The following MRC1 variants were observed in gnomAD, a reference collection of about 807,000 sequenced individuals.
MRC1 encodes the protein mannose receptor C-type 1.
Under a neutral mutation model 102.9 loss-of-function variants are expected in MRC1, and 62 were observed. The observed-to-expected ratio is 0.60, with a 90% CI of 0.49 to 0.74. MRC1 has a LOEUF of 0.74. Among genes scored for constraint, MRC1 ranks in the 30% least tolerant of loss-of-function variants. The pLI is 0.00. For missense variants in MRC1, 1,237 were observed against 862.8 expected, an observed-to-expected ratio of 1.43 and a Z score of -5.43; for synonymous variants, 457 against 298.4, an observed-to-expected ratio of 1.53 and a Z score of -5.48.
intron 10 of MRC1, among the ~76,000 whole-genome samples, chr10:17,861,757 T>C (rs1833187437): frequency 1.3e-5 from 2 of 152,222 alleles, no homozygotes; most frequent in Admixed American, 6.5e-5. Context: ...ATGTAGTTTA[T>C]GGAGCTAACT....
rs1838495358 is a variant in MRC1 at position 17,827,390 on chromosome 10, AAAAAAAAAAAAAAAAAAAAAG to A, written c.464-148_464-128del. ...AAATACCCAAAAAAAAAAAAAAAAA[AAAAAAAAAAAAAAAAAAAAAG>A]AAATCCCTCTGTGGGTGCATCAAGT... On this transcript the variant is annotated intron_variant, in intron 2 of 29. Transcript: ENST00000569591. 5.2e-4 allele frequency: 92 copies of A among 178,424 alleles called. 15 individuals carry two copies. The highest frequency in any genetic ancestry group is 3.0e-3 in the South Asian group (31 of 10,280). 11.1% of individuals were successfully genotyped at this position (178,424 alleles called of 1,614,324 possible).
In MRC1 at chr10:17,833,858, T is replaced by A. The variant is rs56278466; in HGVS notation, c.802+19T>A. The A allele has an allele frequency of 1.4e-5, 11 of 779,736 alleles. No individual in the cohort carries two copies. Among genetic ancestry groups the A allele is most frequent in the East Asian group, 9.7e-5 (4 of 41,230 alleles). The allele number at this position is 779,736 out of a possible 1,614,324, so 48.3% of individuals were successfully genotyped here. A position where few individuals can be genotyped will look rare whatever the true frequency, so the allele number is the denominator to read the frequency against. ...CTGACAGGTAAGGACATGAAAAGTCTCAAGTAAAATCATGACTGCTTTATT... is the reference window on the plus strand; with the variant it reads ...CTGACAGGTAAGGACATGAAAAGTCACAAGTAAAATCATGACTGCTTTATT... On this transcript the variant is annotated intron_variant, in intron 4 of 29. Coordinates refer to ENST00000569591, the MANE Select transcript of MRC1 (RefSeq NM_002438.4).
intron 8 of MRC1, among the ~76,000 whole-genome samples, chr10:17,853,693 G>A (rs1465525904): frequency 1.3e-5 from 2 of 151,686 alleles, no homozygotes; most frequent in Non-Finnish European, 2.9e-5. Context: ...TTACAGCTAC[G>A]GTGGATTAGG....
chr10:17,813,380 G>A (rs1459203327), intron 1 of MRC1, among the ~76,000 whole-genome samples: 2 of 152,104 alleles, frequency 1.3e-5, no homozygotes, highest in Non-Finnish European at 2.9e-5. Context: ...GAAATGCTAA[G>A]AAAGATAATT....
chr10:17,815,431 T>C (rs995819052), intron 1 of MRC1, among the ~76,000 whole-genome samples: 1 of 152,136 alleles, frequency 6.6e-6, no homozygotes, highest in East Asian at 1.9e-4. Flanking sequence ...TTAAGGGGGA[T>C]CTGGGGAGGC....
chr10:17,908,153 G>A (rs1288411871), intron 28 of MRC1, among the ~76,000 whole-genome samples: 6 of 152,192 alleles, frequency 3.9e-5, no homozygotes, highest in Non-Finnish European at 8.8e-5. Flanking sequence ...GAACAGGATT[G>A]GGGAATTGAT....
At chr10:17,885,555 G>A (rs1242315753) in intron 22 of MRC1, 120 bp downstream of exon 22, 14 of 690,954 alleles carry the variant, frequency 2.0e-5, no homozygotes, top group Non-Finnish European at 3.2e-5. Context: ...TTCTATGCTT[G>A]CAGATTTTAC....
rs1168114504 is a variant in MRC1 at position 17,853,561 on chromosome 10, GATAT to G, written c.1407+442_1407+445del. 1.3e-3 allele frequency among the ~76,000 whole-genome samples: 194 copies of G among 144,858 alleles called. 1 individual carries two copies. The highest frequency in any genetic ancestry group is 4.4e-3 in the African/African-American group (166 of 37,960). ...TATGATTACAAGAGATGTAAAAAGAGATATATATGTATGTGTGTGTGTGTGTGTG... is the reference window on the plus strand; with the variant it reads ...TATGATTACAAGAGATGTAAAAAGAGATATGTATGTGTGTGTGTGTGTGTG... On this transcript the variant is annotated intron_variant, in intron 8 of 29. Transcript: ENST00000569591.
At chr10:17,850,256 G>GTTTTTTTTTTT (rs71507247) in intron 7 of MRC1, among the ~76,000 whole-genome samples, 2 of 131,506 alleles carry the variant, frequency 1.5e-5, no homozygotes, top group Admixed American at 8.0e-5. Flanking sequence ...AAATATAGGA[G>GTTTTTTTTTTT]TTTTTTTTTT....
At chr10:17,897,041 A>C (rs1833763635) in intron 23 of MRC1, among the ~76,000 whole-genome samples, 1 of 152,176 alleles carries the variant, frequency 6.6e-6, no homozygotes, top group African/African-American at 2.4e-5. Context: ...CAAACAAATG[A>C]ATGTGGCTGT....
chr10:17,876,828 A>G (rs1173300396), intron 17 of MRC1, among the ~76,000 whole-genome samples: 1 of 152,168 alleles, frequency 6.6e-6, no homozygotes, highest in Non-Finnish European at 1.5e-5. Flanking sequence ...CCTATCACTG[A>G]AGGTATAATT....
At chr10:17,908,027 T>C (rs1833919207) in intron 28 of MRC1, among the ~76,000 whole-genome samples, 1 of 152,200 alleles carries the variant, frequency 6.6e-6, no homozygotes, top group Non-Finnish European at 1.5e-5. Context: ...GTAAAGCCAG[T>C]ACCAGCCCAA....
intron 23 of MRC1, among the ~76,000 whole-genome samples, chr10:17,897,660 A>G (rs1833774151): frequency 6.6e-6 from 1 of 152,214 alleles, no homozygotes; most frequent in African/African-American, 2.4e-5. Context: ...ACGTACATGG[A>G]AAAATAAAGA....
At chr10:17,811,942 T>C (rs1838229855) in intron 1 of MRC1, among the ~76,000 whole-genome samples, 1 of 152,102 alleles carries the variant, frequency 6.6e-6, no homozygotes. Context: ...GAGGAATTTG[T>C]GTAAAGGCAG....
chr10:17,872,361 A>G (rs1833366437), intron 15 of MRC1, among the ~76,000 whole-genome samples: 4 of 152,186 alleles, frequency 2.6e-5, no homozygotes, highest in South Asian at 2.1e-4. Context: ...CGTCCTTCCA[A>G]ATAGTTCCCA....
chr10:17,822,219 A>G (rs1381171264), intron 1 of MRC1, among the ~76,000 whole-genome samples: 1 of 152,212 alleles, frequency 6.6e-6, no homozygotes, highest in Non-Finnish European at 1.5e-5. Context: ...TTCTCATAAA[A>G]TATTCTCTCC....
Position 17,902,015 on chromosome 10 carries a change from C to T in MRC1, c.3692C>T (p.Pro1231Leu), listed in dbSNP as rs1403996328. The change falls in exon 26 of 30, where the codon CCG becomes CTG. Residue 1231 changes from proline to leucine, a missense_variant. Physicochemically the swap from Pro to Leu is moderately conservative, Grantham distance 98. Coordinates refer to ENST00000569591, the MANE Select transcript of MRC1 (RefSeq NM_002438.4). ...TEPPQLPGRC[P>L]ESDHTAWIPF... The stretch of plus-strand genomic sequence containing the variant: ...CCCCCACAACTGCCTGGCAGATGCC[C>T]GGAGTCAGATCACACAGCATGGATT... 105 of 780,732 alleles carry T rather than the reference C, an allele frequency of 1.3e-4. No homozygotes were observed. The highest frequency in any genetic ancestry group is 9.3e-4 in the Admixed American group (55 of 59,030). 48.4% of individuals were successfully genotyped at this position (780,732 alleles called of 1,614,324 possible).
At chr10:17,892,576 C>T (rs1833694812) in intron 22 of MRC1, among the ~76,000 whole-genome samples, 1 of 152,188 alleles carries the variant, frequency 6.6e-6, no homozygotes, top group African/African-American at 2.4e-5. Context: ...TGACAACTTC[C>T]AAGCTCCTTA....
intron 23 of MRC1, among the ~76,000 whole-genome samples, chr10:17,896,988 A>G (rs111812210): frequency 3.3e-5 from 5 of 152,340 alleles, no homozygotes; most frequent in Middle Eastern, 3.4e-3. Flanking sequence ...TCTACTGCAA[A>G]TAGTCAACTC....
Sources: allele counts gnomAD v4.1 joint callset (sites outside exome capture counted in the v4.1 genomes callset), GRCh38; gene constraint gnomAD v4.1.1; transcripts MANE v1.5; gene names NCBI Gene and HGNC (gene_info 2026-07-23, HGNC 2026-07-21).